Variants in ANKRD31 observed in about 807,000 individuals in gnomAD.
ANKRD31 encodes ankyrin repeat domain-containing protein 31.
ANKRD31 carries 147 observed loss-of-function variants against 186.0 expected under a neutral mutation model. The observed-to-expected ratio is 0.79, with a 90% confidence interval of 0.69 to 0.91. The LOEUF (loss-of-function observed/expected upper bound fraction) is 0.91. Ranked by LOEUF, ANKRD31 falls within the 40% of genes least tolerant of loss-of-function variation. ANKRD31 has a pLI of 0.00. For synonymous variants in ANKRD31, 673 were observed against 736.4 expected, an observed-to-expected ratio of 0.91 and a Z score of 1.39; for missense variants, 1,986 against 2,148.8, an observed-to-expected ratio of 0.92 and a Z score of 1.50.
At chr5:75,200,339 G>A (rs1052916497) in intron 5 of ANKRD31, among the ~76,000 whole-genome samples, 2 of 150,310 alleles carry the variant, frequency 1.3e-5, no homozygotes, top group African/African-American at 2.5e-5. Context: ...CGCTCTGCAG[G>A]CCAGGCTGGA....
intron 25 of ANKRD31, among the ~76,000 whole-genome samples, chr5:75,077,156 A>T (rs900711419): frequency 6.6e-6 from 1 of 151,992 alleles, no homozygotes; most frequent in Non-Finnish European, 1.5e-5. Flanking sequence ...GTAACCTCAA[A>T]CTCCTGGGCT....
intron 17 of ANKRD31, among the ~76,000 whole-genome samples, chr5:75,119,779 T>C (rs562705047): frequency 4.3e-3 from 651 of 152,346 alleles, no homozygotes; most frequent in Non-Finnish European, 6.7e-3. Context: ...CTTTAAATAA[T>C]AGCCATTCTG....
At chr5:75,155,605 T>C (rs1428043975) in intron 11 of ANKRD31, among the ~76,000 whole-genome samples, 1 of 152,146 alleles carries the variant, frequency 6.6e-6, no homozygotes, top group Non-Finnish European at 1.5e-5. Flanking sequence ...AGTAAAAGAA[T>C]GAATGTAGGG....
At chr5:75,119,864 T>C (rs1748612616) in intron 17 of ANKRD31, among the ~76,000 whole-genome samples, 1 of 152,192 alleles carries the variant, frequency 6.6e-6, no homozygotes. Flanking sequence ...AACATTTTTT[T>C]CATATGTTTG....
At chr5:75,098,818 A>G (rs898911321) in intron 22 of ANKRD31, among the ~76,000 whole-genome samples, 5 of 152,178 alleles carry the variant, frequency 3.3e-5, no homozygotes, top group African/African-American at 1.2e-4. Flanking sequence ...TTATCAGCTT[A>G]AGGAAATTTT....
chr5:75,080,046 C>T (rs1168313229), intron 25 of ANKRD31, among the ~76,000 whole-genome samples: 3 of 151,730 alleles, frequency 2.0e-5, no homozygotes, highest in Non-Finnish European at 4.4e-5. Flanking sequence ...TGCAATGAGC[C>T]GAGATCGTGC....
intron 3 of ANKRD31, among the ~76,000 whole-genome samples, chr5:75,216,421 T>C (rs1009666008): frequency 6.6e-6 from 1 of 152,120 alleles, no homozygotes; most frequent in African/African-American, 2.4e-5. Flanking sequence ...AACAATCACA[T>C]AGCAAATGTT....
intron 3 of ANKRD31, among the ~76,000 whole-genome samples, chr5:75,219,818 T>C (rs1240927075): frequency 6.6e-6 from 1 of 152,110 alleles, no homozygotes; most frequent in African/African-American, 2.4e-5. Flanking sequence ...CAGAAGAGAA[T>C]GCCCAGAAAT....
intron 11 of ANKRD31, among the ~76,000 whole-genome samples, chr5:75,167,406 C>T (rs1326076764): frequency 6.6e-6 from 1 of 152,192 alleles, no homozygotes; most frequent in African/African-American, 2.4e-5. Flanking sequence ...CAATCCAATA[C>T]CCAGGGCCTA....
chr5:75,151,756 C>T (rs897250389), intron 12 of ANKRD31, among the ~76,000 whole-genome samples: 2 of 152,012 alleles, frequency 1.3e-5, no homozygotes, highest in Non-Finnish European at 2.9e-5. Context: ...TTTGTGTTGA[C>T]ACTTAATCAT....
intron 11 of ANKRD31, among the ~76,000 whole-genome samples, chr5:75,158,444 G>C (rs780672294): frequency 5.3e-5 from 8 of 152,064 alleles, no homozygotes; most frequent in Non-Finnish European, 2.9e-5. Context: ...ATGTGGGTTG[G>C]GGGACTCAGG....
chr5:75,223,857 G>A (rs73763033), intron 2 of ANKRD31, among the ~76,000 whole-genome samples: 3 of 151,548 alleles, frequency 2.0e-5, no homozygotes, highest in African/African-American at 7.3e-5. Flanking sequence ...AAAAGAGAGA[G>A]AAAAACCAGA....
rs374564797 is a variant in ANKRD31, at chr5:75,109,281, G to A, written c.4244-1664C>T. ...GGCAATTTTCTGCCTCAGTTCAGTT[G>A]AAGCAGTTCAGTTGACAACTGATAG... On this transcript the variant is annotated intron_variant, in intron 20 of 25. Coordinates refer to ENST00000506364, the MANE Select transcript of ANKRD31 (RefSeq NM_001372053.1). Among the ~76,000 whole-genome samples, 13 of 152,306 alleles carry A rather than the reference G, an allele frequency of 8.5e-5. No homozygotes were observed. In the East Asian group the frequency reaches 1.7e-3, roughly 20 times the overall value.
At chr5:75,148,385 C>T (rs879322809) in intron 13 of ANKRD31, among the ~76,000 whole-genome samples, 191 bp downstream of exon 13, 13 of 151,928 alleles carry the variant, frequency 8.6e-5, no homozygotes, top group South Asian at 4.1e-4. Flanking sequence ...AATATATTAG[C>T]GTGCCCAGAT....
chr5:75,115,938 T>C (rs1450317916), intron 19 of ANKRD31, among the ~76,000 whole-genome samples: 1 of 152,150 alleles, frequency 6.6e-6, no homozygotes, highest in African/African-American at 2.4e-5. Flanking sequence ...TAAATCATGC[T>C]GCTATAAAGA....
intron 25 of ANKRD31, 79 bp downstream of exon 25, chr5:75,080,489 A>G (rs953953116): frequency 2.8e-5 from 26 of 941,376 alleles, no homozygotes; most frequent in Non-Finnish European, 4.0e-5. Context: ...TTGACAATCT[A>G]TTTGATCTAT....
intron 17 of ANKRD31, among the ~76,000 whole-genome samples, chr5:75,135,748 G>A (rs1289799681): frequency 2.0e-5 from 3 of 152,100 alleles, no homozygotes; most frequent in Non-Finnish European, 2.9e-5. Flanking sequence ...CAGGCATCAC[G>A]CTGCCTGCCT....
chr5:75,103,792 T>A (rs1275186455), intron 22 of ANKRD31, among the ~76,000 whole-genome samples: 2 of 152,042 alleles, frequency 1.3e-5, no homozygotes, highest in Non-Finnish European at 2.9e-5. Context: ...AAGTGGGAGC[T>A]GAACAATGAG....
Position 75,181,155 on chromosome 5 carries a change from C to T in ANKRD31, c.1564+7338G>A, listed in dbSNP as rs182347119. 3.1e-3 allele frequency among the ~76,000 whole-genome samples: 479 copies of T among 152,252 alleles called. 2 individuals carry two copies. The highest frequency in any genetic ancestry group is 0.011 in the African/African-American group (455 of 41,540). ...AAAAATGCTCATCATCACTGGCCAT[C>T]AGAGAAATACAAATCAAAACCACAG... On this transcript the variant is annotated intron_variant, in intron 10 of 25. Transcript: ENST00000506364.
Sources: gnomAD v4.1 joint callset for allele counts (sites outside exome capture counted in the v4.1 genomes callset) on GRCh38, gnomAD v4.1.1 for gene constraint, MANE v1.5 for transcripts, NCBI Gene and HGNC (gene_info 2026-07-23, HGNC 2026-07-21) for gene names.